RIN2: variants seen among roughly 807,000 people sequenced by gnomAD.
The protein encoded by RIN2 is Ras and Rab interactor 2.
Under a neutral mutation model 78.0 loss-of-function variants are expected in RIN2, and 36 were observed. The observed-to-expected ratio is 0.46, with a 90% confidence interval of 0.35 to 0.61. The LOEUF (loss-of-function observed/expected upper bound fraction) is 0.61, where lower values mean the gene tolerates loss of function less well. Ranked by LOEUF, RIN2 falls within the 20% of genes least tolerant of loss-of-function variation. The pLI is 0.00. For missense variants in RIN2, 1,087 were observed against 1,159.7 expected (o/e 0.94, Z 0.91); for synonymous variants, 466 against 466.8 (o/e 1.00, Z 0.02).
intron 2 of RIN2, chr20:19,809,112 A>C (rs1357180050): frequency 6.6e-6 from 1 of 152,366 alleles, no homozygotes; most frequent in African/African-American, 2.4e-5. Flanking sequence ...AAAAGCATCA[A>C]AAAGGAAGCC....
chr20:19,984,649 C>A (rs1191234249), intron 9 of RIN2, among the ~76,000 whole-genome samples: 1 of 152,080 alleles, frequency 6.6e-6, no homozygotes, highest in African/African-American at 2.4e-5. Flanking sequence ...TGCATGTAAT[C>A]CCAGCTACTC....
intron 2 of RIN2, among the ~76,000 whole-genome samples, chr20:19,885,782 A>C (rs775544013): frequency 6.6e-5 from 10 of 152,190 alleles, no homozygotes; most frequent in South Asian, 2.1e-4. Context: ...ATATGAGGTA[A>C]TGCATATGTT....
intron 2 of RIN2, among the ~76,000 whole-genome samples, chr20:19,871,341 G>C (rs1320230472): frequency 6.6e-6 from 1 of 152,154 alleles, no homozygotes; most frequent in Non-Finnish European, 1.5e-5. Context: ...GCCAAGACGG[G>C]GCTTCACTTT....
chr20:19,889,687 A>C, intron 3 of RIN2, 29 bp downstream of exon 3: 2 of 1,433,452 alleles, frequency 1.4e-6, no homozygotes, highest in East Asian at 2.7e-5. Context: ...TGGGATCTCA[A>C]CTCGTCGGCT....
At chr20:19,967,986 C>T (rs768646245) in intron 7 of RIN2, among the ~76,000 whole-genome samples, 40 of 152,166 alleles carry the variant, frequency 2.6e-4, no homozygotes, top group Non-Finnish European at 3.7e-4. Context: ...ATGACAGTTA[C>T]GGGAGTTGAA....
chr20:19,926,198 G>T, intron 3 of RIN2, among the ~76,000 whole-genome samples: 1 of 151,982 alleles, frequency 6.6e-6, no homozygotes, highest in Non-Finnish European at 1.5e-5. Context: ...GGAGATTATG[G>T]GTGATGGTCA....
intron 3 of RIN2, among the ~76,000 whole-genome samples, chr20:19,901,598 G>A (rs1299098411): frequency 1.3e-5 from 2 of 152,174 alleles, no homozygotes; most frequent in Non-Finnish European, 2.9e-5. Context: ...AGGAACAAAT[G>A]ATCAAATGGA....
intron 2 of RIN2, among the ~76,000 whole-genome samples, chr20:19,817,039 T>A (rs2035787680): frequency 6.6e-6 from 1 of 152,160 alleles, no homozygotes; most frequent in South Asian, 2.1e-4. Context: ...AAGAAGTGTG[T>A]ACATTTGCTA....
At chr20:19,845,345 C>T (rs2036746505) in intron 2 of RIN2, among the ~76,000 whole-genome samples, 1 of 152,208 alleles carries the variant, frequency 6.6e-6, no homozygotes, top group African/African-American at 2.4e-5. Context: ...TTTACACTCC[C>T]ACCAACAGTG....
chr20:19,767,764 A>C (rs188950415), intron 1 of RIN2, among the ~76,000 whole-genome samples: 1 of 152,036 alleles, frequency 6.6e-6, no homozygotes, highest in African/African-American at 2.4e-5. Flanking sequence ...GTCTCTACTA[A>C]AAATACAAAA....
chr20:19,776,878 T>C (rs1600426377), intron 1 of RIN2, among the ~76,000 whole-genome samples: 1 of 152,354 alleles, frequency 6.6e-6, no homozygotes, highest in East Asian at 1.9e-4. Flanking sequence ...TGATGTCTTA[T>C]GTCCCCCTAG....
chr20:19,978,894 A>G (rs1211046470), intron 9 of RIN2, among the ~76,000 whole-genome samples: 1 of 152,178 alleles, frequency 6.6e-6, no homozygotes, highest in African/African-American at 2.4e-5. Context: ...ATTGGGATCA[A>G]CCTCTTCACG....
At chr20:19,825,880 T>A (rs1278626560) in intron 2 of RIN2, among the ~76,000 whole-genome samples, 1 of 152,236 alleles carries the variant, frequency 6.6e-6, no homozygotes, top group Non-Finnish European at 1.5e-5. Flanking sequence ...TTGAGTTGTA[T>A]TTTGTATCCT....
chr20:19,831,645 T>A (rs746176676), intron 2 of RIN2, among the ~76,000 whole-genome samples: 9 of 152,224 alleles, frequency 5.9e-5, no homozygotes, highest in Admixed American at 3.3e-4. Context: ...TGAGATTATA[T>A]CAGTGTAATT....
At chr20:19,823,232 G>A (rs2035981351) in intron 2 of RIN2, among the ~76,000 whole-genome samples, 1 of 152,138 alleles carries the variant, frequency 6.6e-6, no homozygotes, top group African/African-American at 2.4e-5. Flanking sequence ...TAATGTCAAA[G>A]CTAACTGGCA....
intron 2 of RIN2, among the ~76,000 whole-genome samples, chr20:19,864,873 T>C (rs1458843948): frequency 3.9e-5 from 6 of 152,232 alleles, no homozygotes; most frequent in Non-Finnish European, 7.3e-5. Context: ...ATGATTCTAT[T>C]TGGGCATTTT....
chr20:19,932,510 C>G (rs1018060268), intron 3 of RIN2, among the ~76,000 whole-genome samples: 2 of 152,166 alleles, frequency 1.3e-5, no homozygotes, highest in African/African-American at 4.8e-5. Flanking sequence ...ATAGGATCTC[C>G]TAATCATTTC....
chr20:19,806,576 G>A (rs983873827), intron 2 of RIN2, among the ~76,000 whole-genome samples: 6 of 152,098 alleles, frequency 3.9e-5, no homozygotes, highest in African/African-American at 1.2e-4. Flanking sequence ...CAGCTTTTAC[G>A]TGTGCAACAA....
At chr20:19,917,416 C>T (rs2039730388) in intron 3 of RIN2, among the ~76,000 whole-genome samples, 1 of 152,200 alleles carries the variant, frequency 6.6e-6, no homozygotes, top group Non-Finnish European at 1.5e-5. Flanking sequence ...TTCCATCCAT[C>T]AAATTATTCT....
Sources: allele counts gnomAD v4.1 joint callset (sites outside exome capture counted in the v4.1 genomes callset), GRCh38; gene constraint gnomAD v4.1.1; transcripts MANE v1.5; gene names NCBI Gene and HGNC (gene_info 2026-07-23, HGNC 2026-07-21).